Variants in SQOR observed in about 807,000 individuals in gnomAD.
The protein encoded by SQOR is sulfide:quinone oxidoreductase, mitochondrial.
In SQOR, 39 loss-of-function variants were observed where a neutral mutation model predicts 48.6. The ratio of observed to expected loss-of-function variants is 0.80; its 90% CI spans 0.62 to 1.05. The LOEUF is 1.05. Among genes scored for constraint, SQOR ranks in the 50% least tolerant of loss-of-function variants. The probability of loss-of-function intolerance (pLI) is 0.00; values close to 1 mark genes in which losing one functional copy is unlikely to be tolerated. For missense variants in SQOR, 561 were observed against 559.9 expected, an observed-to-expected ratio of 1.00 and a Z score of -0.02; for synonymous variants, 220 against 206.2, an observed-to-expected ratio of 1.07 and a Z score of -0.57.
chr15:45,655,921 G>GA (rs1388819521), intron 1 of SQOR, among the ~76,000 whole-genome samples: 1 of 151,586 alleles, frequency 6.6e-6, no homozygotes, highest in Admixed American at 6.6e-5. Context: ...TCCTGACCTT[G>GA]TGATCCGCCC....
In SQOR at chr15:45,641,878, C is replaced by G. The variant is rs79545366; in HGVS notation, c.-18+6770C>G. 1.4e-4 allele frequency among the ~76,000 whole-genome samples: 22 copies of G among 152,224 alleles called. No individual in the cohort carries two copies. In the East Asian group the frequency reaches 4.2e-3, roughly 29 times the overall value. On this transcript the variant is annotated intron_variant, in intron 1 of 9. Coordinates refer to ENST00000260324, the MANE Select transcript of SQOR (RefSeq NM_021199.4). ...TTCACATTCTTCCTTCTTCTTTATC[C>G]CCTATAGCTGATTGTCGCAAAAATG...
intron 6 of SQOR, among the ~76,000 whole-genome samples, chr15:45,678,616 T>C (rs956571967): frequency 2.0e-5 from 3 of 152,130 alleles, no homozygotes; most frequent in African/African-American, 7.2e-5. Flanking sequence ...ATCTAGTATC[T>C]ATCTGCAGCA....
intron 6 of SQOR, among the ~76,000 whole-genome samples, chr15:45,680,130 T>C (rs57974632): frequency 0.27 from 40,495 of 152,090 alleles, 5,824 homozygotes; most frequent in Middle Eastern, 0.44. Flanking sequence ...CTCTGTTACC[T>C]AGGTTGGAGT....
At chr15:45,687,668 G>A (rs1271983697) in intron 7 of SQOR, among the ~76,000 whole-genome samples, 3 of 152,144 alleles carry the variant, frequency 2.0e-5, no homozygotes, top group Admixed American at 2.0e-4. Context: ...AAAAAAGGCA[G>A]TCTCCCCATT....
Position 45,668,927 on chromosome 15 carries a change from G to A in SQOR, c.406-1001G>A, listed in dbSNP as rs117456621. On this transcript the variant is annotated intron_variant, in intron 3 of 9. Transcript: ENST00000260324. ...CATGCTACTTATGCATACAATACCC[G>A]TATTTGAAGAAGGGACTTTTTTCAT... Among the ~76,000 whole-genome samples, 579 of 151,884 alleles carry A rather than the reference G, an allele frequency of 3.8e-3. 4 individuals carry two copies. The highest frequency in any genetic ancestry group is 7.3e-3 in the Admixed American group (111 of 15,256).
intron 1 of SQOR, among the ~76,000 whole-genome samples, chr15:45,647,510 A>G (rs1181082608): frequency 6.6e-6 from 1 of 151,834 alleles, no homozygotes; most frequent in Non-Finnish European, 1.5e-5. Context: ...TACTTTTAGT[A>G]GAGATGGGGT....
intron 3 of SQOR, among the ~76,000 whole-genome samples, chr15:45,666,279 T>C (rs1889815027): frequency 6.6e-6 from 1 of 152,210 alleles, no homozygotes; most frequent in Non-Finnish European, 1.5e-5. Context: ...TATCACAGCA[T>C]TCTGTGATTT....
Position 45,673,688 on chromosome 15 carries a change from G to A in SQOR, c.541G>A (p.Ala181Thr). Reference protein sequence around the residue: ...SVKTVEKTWKALQDFKEGNAI... With the variant: ...SVKTVEKTWKTLQDFKEGNAI... ...TAAGACTGTAGAGAAGACATGGAAAGCTCTGCAGGACTTCAAAGAGGGCAA... is the reference window on the plus strand; with the variant it reads ...TAAGACTGTAGAGAAGACATGGAAAACTCTGCAGGACTTCAAAGAGGGCAA... The change falls in exon 5 of 10, where the codon GCT (alanine) becomes ACT (threonine). Residue 181 changes from alanine (A) to threonine (T), a missense_variant. Ala to Thr is a moderately conservative substitution (Grantham distance 58). Transcript: ENST00000260324. 2 of 1,614,212 alleles carry A rather than the reference G, an allele frequency of 1.2e-6. No individual in the cohort carries two copies. The highest frequency in any genetic ancestry group is 1.1e-5 in the South Asian group (1 of 91,084).
Position 45,682,807 on chromosome 15 carries a change from C to A in SQOR, c.1048+146C>A, listed in dbSNP as rs181105005. The A allele has an allele frequency of 7.6e-4, 674 of 885,954 alleles. 1 individual carries two copies. The highest frequency in any genetic ancestry group is 1.0e-3 in the Non-Finnish European group (606 of 592,974). 54.9% of individuals were successfully genotyped at this position (885,954 alleles called of 1,614,324 possible). ...CTTTGGGAGACTCAGGCAGGCAGGT[C>A]ATTTGAGGCCAGGAGTTTGAGACCA... On this transcript the variant is annotated intron_variant, in intron 7 of 9. Coordinates refer to ENST00000260324, the MANE Select transcript of SQOR (RefSeq NM_021199.4).
At chr15:45,641,835 G>A (rs1595569642) in intron 1 of SQOR, among the ~76,000 whole-genome samples, 1 of 152,146 alleles carries the variant, frequency 6.6e-6, no homozygotes, top group African/African-American at 2.4e-5. Flanking sequence ...ACCTGAACAA[G>A]TGGATATAAT....
intron 3 of SQOR, 127 bp from the exon 4 acceptor site, chr15:45,669,801 G>A (rs1242809086): frequency 1.2e-6 from 1 of 803,324 alleles, no homozygotes; most frequent in Non-Finnish European, 2.1e-6. Context: ...TTTCTCATCT[G>A]TTCTATGGGC....
intron 3 of SQOR, 98 bp from the exon 4 acceptor site, chr15:45,669,823 CCCTGCCT>C: frequency 1.1e-6 from 1 of 923,664 alleles, no homozygotes; most frequent in South Asian, 1.4e-5. Context: ...AATAATATTT[CCCTGCCT>C]CCCTTAGACC....
chr15:45,658,994 C>G lies in SQOR; in HGVS notation c.71C>G (p.Thr24Ser). The G allele has an allele frequency of 6.2e-7, 1 of 1,602,362 alleles. No individual in the cohort carries two copies. The highest frequency in any genetic ancestry group is 1.1e-5 in the South Asian group (1 of 89,260). Residue 24 changes from threonine (T) to serine (S), a missense_variant, in exon 2 of 10, where the codon ACT (threonine) becomes AGT (serine). Thr to Ser is a moderately conservative substitution (Grantham distance 58). Coordinates refer to ENST00000260324, the MANE Select transcript of SQOR (RefSeq NM_021199.4). ...TTTGCCTGCCTGCTCAGGCTGGGCA[C>G]TCAGCAGGTCGGCCCCCTTCAGCTG... The part of the protein sequence containing the change: ...QLFACLLRLG[T>S]QQVGPLQLHT...
intron 2 of SQOR, among the ~76,000 whole-genome samples, chr15:45,659,658 T>C (rs1889685763): frequency 6.6e-6 from 1 of 152,260 alleles, no homozygotes; most frequent in South Asian, 2.1e-4. Flanking sequence ...CAGAATGTTC[T>C]CTGTGTGTCT....
Position 45,673,788 on chromosome 15 carries a change from C to T in SQOR, c.641C>T (p.Ala214Val). Reference sequence around the variant, plus strand: ...CAGAAGATCATGTACTTATCAGAAGCCTACTTCAGGAAGGTATGCTTCCTT... The same window carrying T: ...CAGAAGATCATGTACTTATCAGAAGTCTACTTCAGGAAGGTATGCTTCCTT... ...APQKIMYLSE[A>V]YFRKTGKRSK... Residue 214 changes from alanine (A) to valine (V), a missense_variant, in exon 5 of 10, where the codon GCC becomes GTC. Ala to Val is a moderately conservative substitution (Grantham distance 64). Transcript: ENST00000260324. The T allele has an allele frequency of 1.9e-6, 3 of 1,614,074 alleles. No individual in the cohort carries two copies. Among genetic ancestry groups the T allele is most frequent in the Non-Finnish European group, 2.5e-6 (3 of 1,180,004 alleles).
At chr15:45,635,899 G>A (rs1894995524) in intron 1 of SQOR, among the ~76,000 whole-genome samples, 1 of 152,060 alleles carries the variant, frequency 6.6e-6, no homozygotes, top group African/African-American at 2.4e-5. Context: ...GCAGTGGCGC[G>A]ATCTCGGCTC....
At chr15:45,656,883 C>G (rs1317452363) in intron 1 of SQOR, among the ~76,000 whole-genome samples, 1 of 149,026 alleles carries the variant, frequency 6.7e-6, no homozygotes, top group African/African-American at 2.5e-5. Flanking sequence ...CAGCTTACTG[C>G]AACCTCTGCC....
At chr15:45,643,367 T>G (rs1895139512) in intron 1 of SQOR, among the ~76,000 whole-genome samples, 1 of 152,186 alleles carries the variant, frequency 6.6e-6, no homozygotes, top group African/African-American at 2.4e-5. Flanking sequence ...AGCTAATTTT[T>G]TGTATTTTTA....
intron 9 of SQOR, among the ~76,000 whole-genome samples, chr15:45,690,134 C>T (rs1374235247): frequency 1.6e-5 from 2 of 123,500 alleles, no homozygotes; most frequent in African/African-American, 3.0e-5. Flanking sequence ...GGTGTGATCT[C>T]AGCTCGCTGC....
Sources: allele counts gnomAD v4.1 joint callset (sites outside exome capture counted in the v4.1 genomes callset), GRCh38; gene constraint gnomAD v4.1.1; transcripts MANE v1.5; gene names NCBI Gene and HGNC (gene_info 2026-07-23, HGNC 2026-07-21).